Variants in ZNF606 observed in about 807,000 individuals in gnomAD.
ZNF606 encodes the protein zinc finger protein 606.
In ZNF606, 37 loss-of-function variants were observed where a neutral mutation model predicts 74.9. That is an observed-to-expected ratio of 0.49 (90% CI 0.38 to 0.65). The LOEUF (loss-of-function observed/expected upper bound fraction) is 0.65, where lower values mean the gene tolerates loss of function less well. Ranked by LOEUF, ZNF606 falls within the 30% of genes least tolerant of loss-of-function variation. The pLI is 0.00. For synonymous variants in ZNF606, 328 were observed against 312.4 expected (o/e 1.05, Z -0.53); for missense variants, 852 against 952.9 (o/e 0.89, Z 1.39).
At chr19:57,988,110 T>C (rs555267331) in intron 6 of ZNF606, 97 bp downstream of exon 6, 1 of 878,636 alleles carries the variant, frequency 1.1e-6, no homozygotes, top group Admixed American at 2.9e-5. Context: ...GAATTCTAAA[T>C]GCATCTGAGG....
intron 4 of ZNF606, 139 bp from the exon 5 acceptor site, chr19:57,988,860 G>T: frequency 7.3e-7 from 1 of 1,364,300 alleles, no homozygotes; most frequent in Non-Finnish European, 1.0e-6. Context: ...TCTGACTAAT[G>T]TGAGTCAGGT....
chr19:57,981,243 A>G (rs1275981801), intron 6 of ZNF606, among the ~76,000 whole-genome samples: 1 of 152,154 alleles, frequency 6.6e-6, no homozygotes, highest in Non-Finnish European at 1.5e-5. Context: ...AGTGTGCCCC[A>G]TGTACGCTAC....
chr19:57,989,912 CGCAGT>C (rs2073227733), intron 4 of ZNF606, among the ~76,000 whole-genome samples: 1 of 150,946 alleles, frequency 6.6e-6, no homozygotes, highest in South Asian at 2.1e-4. Context: ...ATTAGCTCAG[CGCAGT>C]GGCACACGCC....
chr19:57,999,900 G>C lies in ZNF606; in HGVS notation c.89-4C>G, dbSNP rs531548139. On this transcript the variant is annotated splice_region_variant and splice_polypyrimidine_tract_variant and intron_variant, in intron 3 of 6. Coordinates refer to ENST00000551380, the MANE Select transcript of ZNF606 (RefSeq NM_001348022.3). ...GCAGGATACTGAGGACACAGAGCTA[G>C]GAAACGAGAAAAAAGTCATGGAGGC... is the stretch of plus-strand genomic sequence containing the variant. 1.1e-5 allele frequency: 18 copies of C among 1,613,056 alleles called. 1 individual carries two copies. The Admixed American group carries it at 2.8e-4, about 25-fold the overall frequency.
At chr19:57,996,948 T>A (rs2073349501) in intron 4 of ZNF606, among the ~76,000 whole-genome samples, 1 of 152,210 alleles carries the variant, frequency 6.6e-6, no homozygotes, top group Admixed American at 6.5e-5. Flanking sequence ...ATTTAAACCC[T>A]TTGAGAGTCT....
rs1476090411 is a variant in ZNF606 at position 58,002,720 on chromosome 19, T to C, written c.-376A>G. The C allele has an allele frequency of 2.2e-6, 1 of 445,732 alleles. No homozygotes were observed. Among genetic ancestry groups the C allele is most frequent in the East Asian group, 7.1e-5 (1 of 14,104 alleles). The allele number at this position is 445,732 out of a possible 1,614,324, so 27.6% of individuals were successfully genotyped here. A position where few individuals can be genotyped will look rare whatever the true frequency, so the allele number is the denominator to read the frequency against. ...CCTGACGCCGCCTCTCCCAGCCGGC[T>C]CTCCTGACCCCCCAAGCCCCGCAGC... On this transcript the variant is annotated 5_prime_UTR_variant, in exon 1 of 7. Transcript: ENST00000551380.
At chr19:57,983,681 CTGAAG>C (rs1311441496) in intron 6 of ZNF606, among the ~76,000 whole-genome samples, 1 of 152,016 alleles carries the variant, frequency 6.6e-6, no homozygotes, top group Non-Finnish European at 1.5e-5. Context: ...TCAGCACTAA[CTGAAG>C]TGATCGAGGA....
At chr19:57,994,019 C>T (rs917898173) in intron 4 of ZNF606, among the ~76,000 whole-genome samples, 1 of 152,194 alleles carries the variant, frequency 6.6e-6, no homozygotes, top group Non-Finnish European at 1.5e-5. Flanking sequence ...AGCGACTGAA[C>T]TAAGTAGCCA....
At chr19:57,981,114 G>A (rs915500480) in intron 6 of ZNF606, among the ~76,000 whole-genome samples, 3 of 152,172 alleles carry the variant, frequency 2.0e-5, no homozygotes, top group African/African-American at 7.2e-5. Flanking sequence ...AGTGAGTCAC[G>A]CAGGCACTGT....
intron 6 of ZNF606, among the ~76,000 whole-genome samples, chr19:57,982,246 G>C (rs117958392): frequency 1.3e-5 from 2 of 152,098 alleles, no homozygotes; most frequent in African/African-American, 4.8e-5. Flanking sequence ...TCCTTGGCTC[G>C]CAGCTCCTTC....
At position 57,978,393 on chromosome 19, in the gene ZNF606, G is replaced by A. The variant is rs777270429; in HGVS notation, c.2287C>T (p.Arg763Cys). 19 of 1,613,330 alleles carry A rather than the reference G, an allele frequency of 1.2e-5. No homozygotes were observed. The highest frequency in any genetic ancestry group is 4.5e-5 in the East Asian group (2 of 44,860). Residue 763 changes from arginine to cysteine, a missense_variant, in exon 7 of 7, where the codon CGC (arginine) becomes TGC (cysteine). Arg to Cys is a radical substitution (Grantham distance 180, BLOSUM62 -3). Transcript: ENST00000551380. This position sits in a 1 kb window ranked among gnomAD's most constrained non-coding sequence, Gnocchi z 4.4. ...TTTCCACATTCACTGCATATAAAGC[G>A]TTTCTCTCCACTATGCATTCTCTGA... ...IHQRMHSGEK[R>C]FICSECGKAF...
At chr19:58,003,087 A>G (rs2073470515), upstream of ZNF606, 1 of 406,984 alleles carries the variant, frequency 2.5e-6, no homozygotes, top group Non-Finnish European at 5.0e-6. Flanking sequence ...CCCATCCGCA[A>G]AATGGCGCCT....
chr19:57,978,777 G>A lies in ZNF606; in HGVS notation c.1903C>T (p.Gln635Ter). Residue 635 changes from glutamine to a stop codon, truncating the protein, a stop_gained, in exon 7 of 7, where the codon CAG (glutamine) becomes TAG (stop). Coordinates refer to ENST00000551380, the MANE Select transcript of ZNF606 (RefSeq NM_001348022.3). LOFTEE classifies it high-confidence loss of function. The surrounding 1 kb of genome is among the most constrained non-coding windows in gnomAD (Gnocchi z 4.4). ...ECNKCGKSCS[Q>*]MAHLVRHQRT... ...TGATGTCTAACAAGGTGAGCCATCT[G>A]GCTACAGGATTTTCCACATTTATTA... is the stretch of plus-strand genomic sequence containing the variant. 1 of 1,614,122 alleles carries A rather than the reference G, an allele frequency of 6.2e-7. No individual in the cohort carries two copies. The highest frequency in any genetic ancestry group is 8.5e-7 in the Non-Finnish European group (1 of 1,180,028).
At chr19:57,988,088 G>A in intron 6 of ZNF606, 119 bp downstream of exon 6, 3 of 708,356 alleles carry the variant, frequency 4.2e-6, no homozygotes, top group East Asian at 2.8e-5. Context: ...AGAGAAGAAA[G>A]CTCCTTAGAG....
chr19:57,992,624 G>A (rs2073277672), intron 4 of ZNF606, among the ~76,000 whole-genome samples: 1 of 152,166 alleles, frequency 6.6e-6, no homozygotes, highest in Non-Finnish European at 1.5e-5. Context: ...AATATGAACT[G>A]GATATCAGGT....
chr19:58,000,087 T>G, intron 3 of ZNF606, 191 bp from the exon 4 acceptor site: 1 of 511,454 alleles, frequency 2.0e-6, no homozygotes, highest in Non-Finnish European at 3.4e-6. Context: ...GAATCTCTCA[T>G]TGGCCCCCCC....
intron 3 of ZNF606, 52 bp from the exon 4 acceptor site, chr19:57,999,948 C>A (rs1445492373): frequency 1.3e-6 from 2 of 1,567,972 alleles, no homozygotes; most frequent in Non-Finnish European, 1.7e-6. Flanking sequence ...CAGGAGCTCA[C>A]CTTTTCTTCT....
chr19:57,985,771 C>CA (rs535640285), intron 6 of ZNF606, among the ~76,000 whole-genome samples: 9,517 of 139,824 alleles, frequency 0.068, 408 homozygotes, highest in Middle Eastern at 0.099. Flanking sequence ...ACTAAAAATA[C>CA]AAAAAAAAAA....
chr19:57,979,762 A>G lies in ZNF606; in HGVS notation c.918T>C (p.Asp306=). ...KSFNHIIHFG[D]HKGIHTGEKL... is the part of the protein sequence containing the mutation. ...TTTCTCCTGTGTGAATTCCTTTATG[A>G]TCACCAAAATGTATTATATGATTGA... The change falls in exon 7 of 7, where the codon GAT becomes GAC. Residue 306 remains aspartate (D), a synonymous_variant. Transcript: ENST00000551380. The G allele has an allele frequency of 2.5e-6, 4 of 1,613,490 alleles. No individual in the cohort carries two copies. The highest frequency in any genetic ancestry group is 3.4e-6 in the Non-Finnish European group (4 of 1,179,958).
Sources: allele counts gnomAD v4.1 joint callset (sites outside exome capture counted in the v4.1 genomes callset), GRCh38; gene constraint gnomAD v4.1.1; non-coding constraint Gnocchi (gnomAD v3.1); transcripts MANE v1.5; gene names NCBI Gene and HGNC (gene_info 2026-07-23, HGNC 2026-07-21).